The following CDKL4 variants were observed in gnomAD, a reference collection of about 807,000 sequenced individuals.
The protein encoded by CDKL4 is cyclin dependent kinase like 4, also known as cyclin-dependent kinase-like 4.
CDKL4 carries 44 observed loss-of-function variants against 42.0 expected under a neutral mutation model. That is an observed-to-expected ratio of 1.05 (90% CI 0.82 to 1.35). The LOEUF (loss-of-function observed/expected upper bound fraction) is 1.35. Among genes scored for constraint, CDKL4 ranks in the 40% most tolerant of loss-of-function variants. CDKL4 has a pLI of 0.00. For synonymous variants in CDKL4, 120 were observed against 121.6 expected (o/e 0.99, Z 0.09); for missense variants, 393 against 369.9 (o/e 1.06, Z -0.51).
At chr2:39,207,348 G>A (rs909242427) in intron 4 of CDKL4, among the ~76,000 whole-genome samples, 7 of 152,058 alleles carry the variant, frequency 4.6e-5, no homozygotes, top group East Asian at 1.9e-4. Context: ...TGGCACCACC[G>A]CACTCTAGCC....
Position 39,217,137 on chromosome 2 carries a change from A to G in CDKL4, c.291-3665T>C, listed in dbSNP as rs185681875. On this transcript the variant is annotated intron_variant, in intron 3 of 9. Coordinates refer to ENST00000451199, the Ensembl canonical transcript of CDKL4. ...GCAGCACCATTCAGCCACAGGCAGC[A>G]TTTTTCAAAGCATCTTGGAGCAAAA... 1.2e-3 allele frequency among the ~76,000 whole-genome samples: 190 copies of G among 152,310 alleles called. 1 individual carries two copies. The highest frequency in any genetic ancestry group is 4.4e-3 in the African/African-American group (181 of 41,568).
chr2:39,184,645 T>A (rs1459378531), exon 8 of CDKL4: 9 of 1,609,508 alleles, frequency 5.6e-6, no homozygotes, highest in Middle Eastern at 1.6e-4. Flanking sequence ...CCTCAAGAGT[T>A]TCCTGAAAAA....
chr2:39,168,355 T>C, the CDKL4 span, among the ~76,000 whole-genome samples: 1 of 152,224 alleles, frequency 6.6e-6, no homozygotes, highest in Non-Finnish European at 1.5e-5. Flanking sequence ...AAGAAAAATT[T>C]TAACTTTAAA....
chr2:39,185,427 C>CAT (rs1473828495), intron 7 of CDKL4, among the ~76,000 whole-genome samples: 1 of 10,098 alleles, frequency 9.9e-5, no homozygotes, highest in African/African-American at 1.7e-4. Context: ...TATATATATA[C>CAT]ATATGTATAT....
At chr2:39,238,588 T>G (rs1257290819) in intron 1 of CDKL4, among the ~76,000 whole-genome samples, 1 of 152,112 alleles carries the variant, frequency 6.6e-6, no homozygotes, top group Admixed American at 6.5e-5. Context: ...TTTAGAATAT[T>G]TATATTAAAA....
At chr2:39,205,138 C>G (rs971163930) in intron 4 of CDKL4, among the ~76,000 whole-genome samples, 18 of 152,052 alleles carry the variant, frequency 1.2e-4, no homozygotes, top group African/African-American at 4.3e-4. Flanking sequence ...TATGATCACA[C>G]TGCACAGAGC....
At chr2:39,183,610 C>T (rs1326277314) in intron 8 of CDKL4, among the ~76,000 whole-genome samples, 4 of 152,166 alleles carry the variant, frequency 2.6e-5, no homozygotes, top group Non-Finnish European at 5.9e-5. Flanking sequence ...GCTTGCAGTG[C>T]TTGATGTCTC....
intron 3 of CDKL4, among the ~76,000 whole-genome samples, chr2:39,220,973 G>A (rs1359655114): frequency 1.2e-4 from 7 of 58,358 alleles, no homozygotes; most frequent in African/African-American, 3.5e-4. Flanking sequence ...CTACATCGAC[G>A]ATCTTTTTTT....
chr2:39,229,700 G>T, intron 1 of CDKL4, 112 bp from the exon 2 acceptor site: 1 of 455,894 alleles, frequency 2.2e-6, no homozygotes, highest in South Asian at 5.3e-5. Context: ...CAATTAATTG[G>T]AAATCCACTT....
intron 1 of CDKL4, among the ~76,000 whole-genome samples, chr2:39,242,651 A>G (rs952139044): frequency 6.6e-6 from 1 of 152,364 alleles, no homozygotes; most frequent in Admixed American, 6.5e-5. Context: ...TTGTATCACA[A>G]ATCAAGTCCT....
chr2:39,177,446 C>G (rs1050250477), intron 9 of CDKL4, among the ~76,000 whole-genome samples: 1 of 150,960 alleles, frequency 6.6e-6, no homozygotes, highest in Non-Finnish European at 1.5e-5. Context: ...CTCTTGTCGC[C>G]CAGGCTGGAG....
chr2:39,198,103 C>T (rs979620121), intron 5 of CDKL4, among the ~76,000 whole-genome samples: 1 of 152,052 alleles, frequency 6.6e-6, no homozygotes, highest in Non-Finnish European at 1.5e-5. Flanking sequence ...CCACCTGACA[C>T]ATAAGGACTC....
intron 2 of CDKL4, among the ~76,000 whole-genome samples, chr2:39,228,711 A>C (rs550468417): frequency 4.9e-4 from 75 of 152,314 alleles, no homozygotes; most frequent in African/African-American, 1.8e-3. Flanking sequence ...GTGCTGCCCC[A>C]GACCTCCGTT....
At chr2:39,203,421 G>A (rs983664988) in intron 5 of CDKL4, among the ~76,000 whole-genome samples, 5 of 151,864 alleles carry the variant, frequency 3.3e-5, no homozygotes, top group Non-Finnish European at 7.4e-5. Context: ...TGTGACAATT[G>A]GGTATTTTGG....
chr2:39,212,678 G>A (rs1384847392), intron 4 of CDKL4, among the ~76,000 whole-genome samples: 1 of 151,908 alleles, frequency 6.6e-6, no homozygotes, highest in East Asian at 1.9e-4. Context: ...ATTATTTTTG[G>A]AGACAGGGTC....
At chr2:39,188,492 G>A (rs1288389062) in intron 6 of CDKL4, among the ~76,000 whole-genome samples, 1 of 144,546 alleles carries the variant, frequency 6.9e-6, no homozygotes, top group Non-Finnish European at 1.5e-5. Flanking sequence ...AATTTGGGAG[G>A]CGGAGGTTGC....
chr2:39,176,235 G>C (rs1675161454), intron 9 of CDKL4, 139 bp from the exon 10 acceptor site: 1 of 322,842 alleles, frequency 3.1e-6, no homozygotes. Context: ...AATTAAGTAG[G>C]GTTACCTTTC....
intron 3 of CDKL4, among the ~76,000 whole-genome samples, chr2:39,215,718 C>A (rs1677876198): frequency 6.6e-6 from 1 of 152,148 alleles, no homozygotes; most frequent in Non-Finnish European, 1.5e-5. Flanking sequence ...CTACAAGAGT[C>A]TGAAGTATAT....
chr2:39,228,556 T>C (rs1372945291), intron 2 of CDKL4, among the ~76,000 whole-genome samples: 1 of 152,170 alleles, frequency 6.6e-6, no homozygotes, highest in African/African-American at 2.4e-5. Context: ...TCTTGTCACA[T>C]AATGTGTAGC....
Sources: gnomAD v4.1 joint callset for allele counts (sites outside exome capture counted in the v4.1 genomes callset) on GRCh38, gnomAD v4.1.1 for gene constraint, MANE v1.5 for transcripts, NCBI Gene and HGNC (gene_info 2026-07-23, HGNC 2026-07-21) for gene names.